The following BRD9 variants were observed in gnomAD, a reference collection of about 807,000 sequenced individuals.
The protein encoded by BRD9 is bromodomain-containing protein 9.
BRD9 carries 47 observed loss-of-function variants against 68.7 expected under a neutral mutation model. That is an observed-to-expected ratio of 0.68 (90% CI 0.54 to 0.87). BRD9 has a LOEUF of 0.87. Ranked by LOEUF, BRD9 falls within the 40% of genes least tolerant of loss-of-function variation. BRD9 has a pLI of 0.00. For synonymous variants in BRD9, 313 were observed against 293.9 expected (o/e 1.06, Z -0.67); for missense variants, 670 against 748.4 (o/e 0.90, Z 1.22).
In BRD9 at chr5:892,693, G is replaced by A; in HGVS notation, c.-36C>T. Reference sequence around the variant, plus strand: ...GCGGCGGGCCCGAGGCGGGGGCTGGGAACAGCTGGCACCCGGTCGGACCTT... The same window carrying A: ...GCGGCGGGCCCGAGGCGGGGGCTGGAAACAGCTGGCACCCGGTCGGACCTT... On this transcript the variant is annotated 5_prime_UTR_variant, in exon 1 of 16. Coordinates refer to ENST00000467963, the MANE Select transcript of BRD9 (RefSeq NM_023924.5). The A allele has an allele frequency of 1.5e-6, 2 of 1,377,550 alleles. No individual in the cohort carries two copies. The highest frequency in any genetic ancestry group is 3.5e-5 in the South Asian group (2 of 57,768). The allele number at this position is 1,377,550 out of a possible 1,614,324, so 85.3% of individuals were successfully genotyped here. A position where few individuals can be genotyped will look rare whatever the true frequency, so the allele number is the denominator to read the frequency against.
Position 864,495 on chromosome 5 carries a change from T to C in BRD9, c.1767A>G (p.Pro589=). 1 of 1,613,908 alleles carries C rather than the reference T, an allele frequency of 6.2e-7. No individual in the cohort carries two copies. Among genetic ancestry groups the C allele is most frequent in the African/African-American group, 1.3e-5 (1 of 75,076 alleles). Residue 589 remains proline (P), a synonymous_variant, in exon 16 of 16, where the codon CCA becomes CCG. Transcript: ENST00000467963. ...THDPYEFLQS[P]EPAASAKT The stretch of plus-strand genomic sequence containing the variant: ...AGGTCTTGGCAGAGGCCGCAGGCTC[T>C]GGAGACTGAAGAAACTCATAGGGGT...
At position 864,571 on chromosome 5, in the gene BRD9, G is replaced by A. The variant is rs780561168; in HGVS notation, c.1694-3C>T. 1 of 1,612,964 alleles carries A rather than the reference G, an allele frequency of 6.2e-7. No homozygotes were observed. The highest frequency in any genetic ancestry group is 8.5e-7 in the Non-Finnish European group (1 of 1,179,286). On this transcript the variant is annotated splice_polypyrimidine_tract_variant and splice_region_variant and intron_variant, in intron 15 of 15. Transcript: ENST00000467963. ...GACACTCAGGCGAGAAGGGCTTCCTGCAATTTTCAGAACACAGGACTTCAA... is the reference window on the plus strand; with the variant it reads ...GACACTCAGGCGAGAAGGGCTTCCTACAATTTTCAGAACACAGGACTTCAA...
intron 12 of BRD9, among the ~76,000 whole-genome samples, chr5:872,519 G>A (rs1372185238): frequency 6.6e-6 from 1 of 152,200 alleles, no homozygotes; most frequent in Non-Finnish European, 1.5e-5. Context: ...GTGTTGGGGG[G>A]GCCAGCTTCC....
At chr5:880,536 C>A (rs1169625635) in intron 9 of BRD9, among the ~76,000 whole-genome samples, 7 of 152,090 alleles carry the variant, frequency 4.6e-5, no homozygotes, top group Non-Finnish European at 7.3e-5. Flanking sequence ...CTAGAGGCAA[C>A]CCGTGCCAGG....
At chr5:889,297 A>T (rs1444618370) in intron 4 of BRD9, 132 bp from the exon 5 acceptor site, 7 of 1,059,936 alleles carry the variant, frequency 6.6e-6, no homozygotes, top group African/African-American at 3.3e-5. Context: ...AGCGTCTTTT[A>T]ATTTATTGTG....
intron 1 of BRD9, chr5:892,171 T>G (rs950459620): frequency 1.1e-5 from 5 of 434,918 alleles, no homozygotes; most frequent in Non-Finnish European, 2.0e-5. Flanking sequence ...CCGATCTCCC[T>G]CCTAGAAACC....
intron 12 of BRD9, among the ~76,000 whole-genome samples, chr5:873,638 A>T (rs1750473268): frequency 6.6e-6 from 1 of 152,172 alleles, no homozygotes; most frequent in Non-Finnish European, 1.5e-5. Flanking sequence ...CAGGATTTAT[A>T]CATGAGCCTC....
chr5:869,256 CT>C (rs1351344976), intron 14 of BRD9: 2 of 454,108 alleles, frequency 4.4e-6, no homozygotes, highest in South Asian at 3.1e-5. Flanking sequence ...TCATTATCCC[CT>C]CTTTTGGAAT....
chr5:884,213 C>T, intron 7 of BRD9, 143 bp from the exon 8 acceptor site: 1 of 960,154 alleles, frequency 1.0e-6, no homozygotes, highest in Admixed American at 2.7e-5. Flanking sequence ...CCTTTTAGGT[C>T]TCAAAGCATC....
Position 883,982 on chromosome 5 carries a change from C to G in BRD9, c.922G>C (p.Asp308His), listed in dbSNP as rs140608048. The change falls in exon 8 of 16, where the codon GAC becomes CAC. Residue 308 changes from aspartate (D) to histidine (H), a missense_variant. Around this residue, in one of 5 missense-constraint regions of BRD9, gnomAD observed 135 missense variants for 141.2 expected, o/e 0.96. Transcript: ENST00000467963. Reference protein sequence around the residue: ...HVLALVEHAADEARDRINRFL... With the variant: ...HVLALVEHAAHEARDRINRFL... ...CGGTTGATCCTGTCCCGAGCTTCGT[C>G]AGCTGCGTGCTCCACCAGCGCCAGC... 5 of 1,613,526 alleles carry G rather than the reference C, an allele frequency of 3.1e-6. No individual in the cohort carries two copies. In the African/African-American group the frequency reaches 4.0e-5, roughly 13 times the overall value.
chr5:892,262 G>T, intron 1 of BRD9: 1 of 470,848 alleles, frequency 2.1e-6, no homozygotes, highest in Non-Finnish European at 3.7e-6. Flanking sequence ...TGCTGCGGGA[G>T]CAAGGGAGAG....
chr5:882,499 CCA>C (rs1036856228), intron 8 of BRD9: 3 of 163,916 alleles, frequency 1.8e-5, no homozygotes, highest in African/African-American at 7.3e-5. Context: ...AACACGTGAG[CCA>C]CACAGACCAC....
chr5:889,299 TTTA>T, intron 4 of BRD9, 134 bp from the exon 5 acceptor site: 1 of 1,025,322 alleles, frequency 9.8e-7, no homozygotes, highest in Non-Finnish European at 1.4e-6. Context: ...CGTCTTTTAA[TTTA>T]TTGTGATAGG....
chr5:871,515 C>A lies in BRD9; in HGVS notation c.1422+11G>T. 6.2e-7 allele frequency: 1 copy of A among 1,613,876 alleles called. No individual in the cohort carries two copies. The highest frequency in any genetic ancestry group is 1.1e-5 in the South Asian group (1 of 91,070). ...AATATTTGGCTTGCCCTTCCATGTT[C>A]AAAAACTTACCTTGGCTTCATCTGG... is the stretch of plus-strand genomic sequence containing the variant. On this transcript the variant is annotated intron_variant, in intron 13 of 15. Coordinates refer to ENST00000467963, the MANE Select transcript of BRD9 (RefSeq NM_023924.5).
intron 2 of BRD9, 105 bp downstream of exon 2, chr5:891,535 C>G: frequency 3.4e-6 from 5 of 1,469,382 alleles, no homozygotes; most frequent in Non-Finnish European, 4.5e-6. Context: ...GGAACACCCC[C>G]TCCCCTCCTC....
chr5:884,523 T>G (rs111589057), intron 7 of BRD9, among the ~76,000 whole-genome samples: 3,256 of 152,360 alleles, frequency 0.021, 104 homozygotes, highest in African/African-American at 0.069. Flanking sequence ...CCCTCTGCTG[T>G]GGCCACTGGG....
At chr5:890,773 T>C (rs72703164) in intron 3 of BRD9, among the ~76,000 whole-genome samples, 6,361 of 152,134 alleles carry the variant, frequency 0.042, 154 homozygotes, top group Non-Finnish European at 0.049. Context: ...AAACCAAACT[T>C]CAAGACCCAG....
intron 1 of BRD9, 134 bp from the exon 2 acceptor site, chr5:891,988 C>T: frequency 7.2e-7 from 1 of 1,393,756 alleles, no homozygotes; most frequent in Non-Finnish European, 9.5e-7. Flanking sequence ...CAGGGAAAGA[C>T]GGAAGGGAAG....
Position 881,094 on chromosome 5 carries a change from A to G in BRD9, c.1042+13T>C. 6.2e-7 allele frequency: 1 copy of G among 1,613,664 alleles called. No homozygotes were observed. The highest frequency in any genetic ancestry group is 1.1e-5 in the South Asian group (1 of 91,076). On this transcript the variant is annotated intron_variant, in intron 9 of 15. Transcript: ENST00000467963. Reference sequence around the variant, plus strand: ...TACGGAGAGCATAAAGCCAGCCCTGAGCGGGCACCCACCATCAGCGTCCGG... The same window carrying G: ...TACGGAGAGCATAAAGCCAGCCCTGGGCGGGCACCCACCATCAGCGTCCGG...
Sources: gnomAD v4.1 joint callset for allele counts (sites outside exome capture counted in the v4.1 genomes callset) on GRCh38, gnomAD v4.1.1 for gene constraint, gnomAD v4.1.1 regional missense constraint, MANE v1.5 for transcripts, NCBI Gene and HGNC (gene_info 2026-07-23, HGNC 2026-07-21) for gene names.